Variants in TMEM132D observed in about 807,000 individuals in gnomAD.
The protein encoded by TMEM132D is transmembrane protein 132D.
A neutral mutation model predicts 62.3 loss-of-function variants in TMEM132D; 21 were observed. That is an observed-to-expected ratio of 0.34 (90% CI 0.24 to 0.49). The LOEUF (loss-of-function observed/expected upper bound fraction) is 0.49, where lower values mean the gene tolerates loss of function less well. TMEM132D is among the 20% of genes least tolerant of loss of function. The pLI, the probability that TMEM132D is intolerant of heterozygous loss-of-function variation, is 0.99. For synonymous variants in TMEM132D, 621 were observed against 575.6 expected (o/e 1.08, Z -1.13); for missense variants, 1,346 against 1,402.8 (o/e 0.96, Z 0.65).
chr12:129,195,266 G>T (rs1456206164), intron 5 of TMEM132D, among the ~76,000 whole-genome samples: 1 of 152,088 alleles, frequency 6.6e-6, no homozygotes, highest in Non-Finnish European at 1.5e-5. Context: ...GGCCTGGGAG[G>T]TTCCAAGAGT....
intron 3 of TMEM132D, among the ~76,000 whole-genome samples, chr12:129,482,558 T>C (rs1176289198): frequency 6.6e-6 from 1 of 152,196 alleles, no homozygotes; most frequent in Admixed American, 6.5e-5. Flanking sequence ...GAGGTGGAGA[T>C]TGCTGAATTT....
At chr12:129,837,977 T>C (rs145925050) in intron 1 of TMEM132D, among the ~76,000 whole-genome samples, 27 of 152,342 alleles carry the variant, frequency 1.8e-4, no homozygotes, top group Non-Finnish European at 3.4e-4. Context: ...TTTCTTTCTC[T>C]CTTCAGACAA....
chr12:129,478,426 T>C (rs2137051668), intron 3 of TMEM132D, among the ~76,000 whole-genome samples: 1 of 152,366 alleles, frequency 6.6e-6, no homozygotes, highest in Middle Eastern at 3.4e-3. Context: ...CCATCTCATG[T>C]ATGGTTGAGC....
rs374326798 is a variant in TMEM132D, at chr12:129,395,906, A to G, written c.1116-58089T>C. ...ATTTATATAACATTTATAATATACT[A>G]TATAATACATTATATTATACACATA... On this transcript the variant is annotated intron_variant, in intron 3 of 8. Transcript: ENST00000422113. Among the ~76,000 whole-genome samples the G allele has an allele frequency of 3.5e-5, 5 of 143,648 alleles. No homozygotes were observed. The East Asian group carries it at 1.0e-3, about 29-fold the overall frequency. The allele number at this position is 143,648 out of a possible 152,430, so 94.2% of individuals were successfully genotyped here.
At chr12:129,134,116 T>TG (rs1555231883) in intron 5 of TMEM132D, among the ~76,000 whole-genome samples, 5 of 144,390 alleles carry the variant, frequency 3.5e-5, no homozygotes, top group African/African-American at 1.1e-4. Context: ...TGTCTGTGTG[T>TG]TGTGTGTGTG....
intron 3 of TMEM132D, among the ~76,000 whole-genome samples, chr12:129,378,362 T>C (rs1870843852): frequency 6.6e-6 from 1 of 152,184 alleles, no homozygotes; most frequent in Non-Finnish European, 1.5e-5. Context: ...GGCAGCTCTC[T>C]GGGAGCAGTT....
chr12:129,319,834 A>G (rs1437781542), intron 4 of TMEM132D, among the ~76,000 whole-genome samples: 2 of 152,196 alleles, frequency 1.3e-5, no homozygotes, highest in Non-Finnish European at 1.5e-5. Context: ...TGGCATGCGA[A>G]TCTCAGTTAT....
chr12:129,313,155 A>G (rs1882022409), intron 4 of TMEM132D, among the ~76,000 whole-genome samples: 1 of 142,028 alleles, frequency 7.0e-6, no homozygotes, highest in Non-Finnish European at 1.5e-5. Context: ...CAGACAAGAG[A>G]CATACATTTT....
chr12:129,894,129 T>C (rs1875024771), intron 1 of TMEM132D, among the ~76,000 whole-genome samples: 1 of 152,228 alleles, frequency 6.6e-6, no homozygotes, highest in Admixed American at 6.5e-5. Context: ...AGAGGTTTAA[T>C]GGACTGATAG....
intron 3 of TMEM132D, among the ~76,000 whole-genome samples, chr12:129,341,500 C>T (rs916371497): frequency 5.3e-5 from 8 of 152,160 alleles, no homozygotes; most frequent in Non-Finnish European, 1.0e-4. Flanking sequence ...CAAACCAGAG[C>T]GACTCCATCC....
intron 1 of TMEM132D, among the ~76,000 whole-genome samples, chr12:129,884,325 T>C (rs1208682637): frequency 1.3e-5 from 2 of 152,246 alleles, no homozygotes; most frequent in East Asian, 3.8e-4. Flanking sequence ...CAACATGCTA[T>C]AGACTGAGAC....
intron 5 of TMEM132D, among the ~76,000 whole-genome samples, chr12:129,160,115 T>C (rs1444805285): frequency 6.6e-6 from 1 of 152,196 alleles, no homozygotes; most frequent in Non-Finnish European, 1.5e-5. Context: ...TCTCAGTGGA[T>C]TGTGTTTCTG....
chr12:129,700,162 G>A lies in TMEM132D; in HGVS notation c.616C>T (p.Pro206Ser), dbSNP rs777453627. The A allele has an allele frequency of 1.3e-5, 21 of 1,612,924 alleles. No individual in the cohort carries two copies. Among genetic ancestry groups the A allele is most frequent in the Non-Finnish European group, 1.7e-5 (20 of 1,180,018 alleles). Residue 206 changes from proline to serine, a missense_variant, in exon 2 of 9, where the codon CCC becomes TCC. Pro to Ser is a moderately conservative substitution (Grantham distance 74). Coordinates refer to ENST00000422113, the MANE Select transcript of TMEM132D (RefSeq NM_133448.3). ...LELLSSWFSP[P>S]TVVAGRRKSV... ...TTCCTCCTCCCGGCAACCACCGTGGGGGGGCTGAACCAGCTGGACAGGAGC... is the reference window on the plus strand; with the variant it reads ...TTCCTCCTCCCGGCAACCACCGTGGAGGGGCTGAACCAGCTGGACAGGAGC...
chr12:129,267,971 A>G (rs555847717), intron 4 of TMEM132D, among the ~76,000 whole-genome samples: 31 of 152,164 alleles, frequency 2.0e-4, no homozygotes, highest in Admixed American at 3.3e-4. Context: ...TGGGAAAACT[A>G]GCTAGCCATA....
At chr12:129,643,083 C>A (rs913554766) in intron 2 of TMEM132D, among the ~76,000 whole-genome samples, 1 of 151,980 alleles carries the variant, frequency 6.6e-6, no homozygotes, top group Admixed American at 6.6e-5. Context: ...CTCCACCACG[C>A]CCGACTAATT....
At chr12:129,287,042 T>C (rs1344081732) in intron 4 of TMEM132D, among the ~76,000 whole-genome samples, 1 of 130,384 alleles carries the variant, frequency 7.7e-6, no homozygotes, top group East Asian at 2.3e-4. Flanking sequence ...AGTGAGACTC[T>C]GTCAAAAAAA....
chr12:129,701,300 G>A (rs1292857089), intron 1 of TMEM132D, among the ~76,000 whole-genome samples: 1 of 152,178 alleles, frequency 6.6e-6, no homozygotes, highest in Non-Finnish European at 1.5e-5. Context: ...TAAATCACAT[G>A]GACAGTGGAC....
At position 129,827,003 on chromosome 12, in the gene TMEM132D, C is replaced by T. The variant is rs1872680734; in HGVS notation, c.79+76258G>A. On this transcript the variant is annotated intron_variant, in intron 1 of 8. Transcript: ENST00000422113. The surrounding 1 kb of genome is among the most constrained non-coding windows in gnomAD (Gnocchi z 9.7). ...ACTGAAATGCAAAAATAAAAAGGGG[C>T]TGTGCTAATAACTATTCTAAAAATT... Among the ~76,000 whole-genome samples the T allele has an allele frequency of 6.6e-6, 1 of 152,126 alleles. No homozygotes were observed. Among genetic ancestry groups the T allele is most frequent in the African/African-American group, 2.4e-5 (1 of 41,422 alleles).
chr12:129,717,850 G>C (rs1040964874), intron 1 of TMEM132D, among the ~76,000 whole-genome samples: 1 of 152,148 alleles, frequency 6.6e-6, no homozygotes, highest in Non-Finnish European at 1.5e-5. Context: ...TGTCATGTAC[G>C]GTTGTTCAAG....
Sources: gnomAD v4.1 joint callset for allele counts (sites outside exome capture counted in the v4.1 genomes callset) on GRCh38, gnomAD v4.1.1 for gene constraint, Gnocchi (gnomAD v3.1) non-coding constraint, MANE v1.5 for transcripts, NCBI Gene and HGNC (gene_info 2026-07-23, HGNC 2026-07-21) for gene names.